Variants in PTPRM observed in about 807,000 individuals in gnomAD.
PTPRM encodes receptor-type tyrosine-protein phosphatase mu.
In PTPRM, 47 loss-of-function variants were observed where a neutral mutation model predicts 186.7. The ratio of observed to expected loss-of-function variants is 0.25; its 90% confidence interval spans 0.20 to 0.32. The LOEUF (loss-of-function observed/expected upper bound fraction) is 0.32, where lower values mean the gene tolerates loss of function less well. Among genes scored for constraint, PTPRM ranks in the 10% least tolerant of loss-of-function variants. The probability of loss-of-function intolerance (pLI) is 1.00; values close to 1 mark genes in which losing one functional copy is unlikely to be tolerated. For synonymous variants in PTPRM, 668 were observed against 674.9 expected (o/e 0.99, Z 0.16); for missense variants, 1,494 against 1,865.0 (o/e 0.80, Z 3.66).
intron 15 of PTPRM, among the ~76,000 whole-genome samples, chr18:8,246,507 T>C (rs2094477769): frequency 2.0e-5 from 3 of 152,214 alleles, no homozygotes; most frequent in Non-Finnish European, 4.4e-5. Context: ...TAAAATATTT[T>C]GACAGGAAGG....
intron 7 of PTPRM, among the ~76,000 whole-genome samples, chr18:7,972,082 C>A: frequency 1.2e-5 from 1 of 80,152 alleles, no homozygotes; most frequent in Non-Finnish European, 2.2e-5. Flanking sequence ...CAATGATAGA[C>A]TGGATTAAGA....
chr18:8,270,881 TTTAGTTA>T (rs1258731141), intron 19 of PTPRM, among the ~76,000 whole-genome samples: 1 of 152,126 alleles, frequency 6.6e-6, no homozygotes, highest in Admixed American at 6.5e-5. Flanking sequence ...AGGTACAAAC[TTTAGTTA>T]TTAGATGAAG....
At chr18:8,209,092 G>A (rs78636730) in intron 14 of PTPRM, among the ~76,000 whole-genome samples, 12,283 of 152,220 alleles carry the variant, frequency 0.081, 632 homozygotes, top group Middle Eastern at 0.33. Context: ...GAATGCAATG[G>A]AGTCCCGTCG....
At position 8,240,642 on chromosome 18, in the gene PTPRM, AGAGAGAGAGAG is replaced by A. The variant is rs1206203356; in HGVS notation, c.2301-3415_2301-3405del. ...GGGAGAGAGAGAGAGAGAGAGAGAG[AGAGAGAGAGAG>A]AAAGAAAGAAAGAAAGAAAGAAAGA... is the stretch of plus-strand genomic sequence containing the variant. On this transcript the variant is annotated intron_variant, in intron 14 of 32. Transcript: ENST00000580170. 7.0e-4 allele frequency among the ~76,000 whole-genome samples: 23 copies of A among 32,734 alleles called. 1 individual carries two copies. The highest frequency in any genetic ancestry group is 1.8e-3 in the Admixed American group (6 of 3,352). 21.5% of individuals were successfully genotyped at this position (32,734 alleles called of 152,430 possible). A position where few individuals can be genotyped will look rare whatever the true frequency, so the allele number is the denominator to read the frequency against.
intron 7 of PTPRM, among the ~76,000 whole-genome samples, chr18:8,042,900 CA>C (rs2086782497): frequency 2.0e-5 from 3 of 152,148 alleles, no homozygotes; most frequent in African/African-American, 7.2e-5. Context: ...TACTCATCGC[CA>C]AGACAGTTCC....
In PTPRM at chr18:7,999,501, G is replaced by A. The variant is rs529902816; in HGVS notation, c.1132+44087G>A. Among the ~76,000 whole-genome samples the A allele has an allele frequency of 5.3e-5, 8 of 152,094 alleles. No homozygotes were observed. In the South Asian group the frequency reaches 1.7e-3, roughly 32 times the overall value. ...TTGAGCTGGGCTTTCTGGAAAGAAG[G>A]TACAATCCTTCTCTGAGCAGAGGCA... is the stretch of plus-strand genomic sequence containing the variant. On this transcript the variant is annotated intron_variant, in intron 7 of 32. Transcript: ENST00000580170.
At chr18:7,890,927 T>C (rs181113077) in intron 3 of PTPRM, among the ~76,000 whole-genome samples, 1 of 152,164 alleles carries the variant, frequency 6.6e-6, no homozygotes, top group Non-Finnish European at 1.5e-5. Flanking sequence ...AATTCTATTT[T>C]TAAGTTTAAA....
intron 5 of PTPRM, among the ~76,000 whole-genome samples, chr18:7,939,212 T>C (rs1334918321): frequency 6.6e-6 from 1 of 152,194 alleles, no homozygotes; most frequent in Non-Finnish European, 1.5e-5. Flanking sequence ...ATTTTCACTA[T>C]TGAAGAAATG....
chr18:7,613,162 G>A (rs527967119), intron 1 of PTPRM, among the ~76,000 whole-genome samples: 1 of 152,104 alleles, frequency 6.6e-6, no homozygotes, highest in African/African-American at 2.4e-5. Context: ...TCTCAAACTT[G>A]GGTACCTATG....
At chr18:8,170,139 C>G (rs1568458441) in intron 14 of PTPRM, among the ~76,000 whole-genome samples, 1 of 152,148 alleles carries the variant, frequency 6.6e-6, no homozygotes, top group African/African-American at 2.4e-5. Context: ...TTGATGACTG[C>G]TTAACAGAGT....
chr18:7,574,528 G>A (rs2036639041), intron 1 of PTPRM, among the ~76,000 whole-genome samples: 1 of 152,148 alleles, frequency 6.6e-6, no homozygotes, highest in African/African-American at 2.4e-5. Flanking sequence ...CCCCTTTGTG[G>A]ATGGTAATGG....
chr18:7,923,947 G>T (rs566030601), intron 4 of PTPRM, among the ~76,000 whole-genome samples: 10 of 152,140 alleles, frequency 6.6e-5, no homozygotes, highest in African/African-American at 2.4e-4. Flanking sequence ...TGATTGCTGC[G>T]CAGAGACATT....
At chr18:7,983,552 C>G (rs1360761768) in intron 7 of PTPRM, among the ~76,000 whole-genome samples, 2 of 152,122 alleles carry the variant, frequency 1.3e-5, no homozygotes, top group African/African-American at 2.4e-5. Context: ...CTCTGGCTTT[C>G]TCATCATTCT....
chr18:8,174,273 A>G (rs2093449347), intron 14 of PTPRM, among the ~76,000 whole-genome samples: 1 of 152,136 alleles, frequency 6.6e-6, no homozygotes, highest in African/African-American at 2.4e-5. Context: ...AAGGGTTATT[A>G]TCATTTAAAC....
intron 19 of PTPRM, among the ~76,000 whole-genome samples, chr18:8,257,393 A>G (rs771870096): frequency 7.2e-5 from 11 of 152,164 alleles, no homozygotes; most frequent in Non-Finnish European, 1.2e-4. Flanking sequence ...AGAAGTAGTA[A>G]AAGAGAAGAA....
chr18:7,718,492 G>A (rs1940344), intron 1 of PTPRM, among the ~76,000 whole-genome samples: 89,192 of 151,874 alleles, frequency 0.59, 27,185 homozygotes, highest in East Asian at 0.99. Flanking sequence ...TCTTCTAGAC[G>A]TTGGCTTCAG....
At chr18:8,126,005 A>ATG (rs1838341081) in intron 13 of PTPRM, among the ~76,000 whole-genome samples, 1 of 17,042 alleles carries the variant, frequency 5.9e-5, no homozygotes, top group Admixed American at 1.0e-3. Flanking sequence ...ATATATATAT[A>ATG]TATATATATA....
chr18:8,404,660 T>C (rs151069359), intron 32 of PTPRM: 1 of 152,212 alleles, frequency 6.6e-6, no homozygotes, highest in African/African-American at 2.4e-5. Context: ...TGAAAAGTAA[T>C]AGATACATTT....
intron 7 of PTPRM, among the ~76,000 whole-genome samples, chr18:8,036,940 G>A (rs1055392371): frequency 2.6e-5 from 4 of 152,164 alleles, no homozygotes; most frequent in Admixed American, 2.6e-4. Flanking sequence ...TGTTTACTGG[G>A]TGTTTATCGG....
Sources: allele counts gnomAD v4.1 joint callset (sites outside exome capture counted in the v4.1 genomes callset), GRCh38; gene constraint gnomAD v4.1.1; transcripts MANE v1.5; gene names NCBI Gene and HGNC (gene_info 2026-07-23, HGNC 2026-07-21).